Variants in PCDHGB1 observed in about 807,000 individuals in gnomAD.
PCDHGB1 encodes protocadherin gamma subfamily B, 1.
Under a neutral mutation model 56.6 loss-of-function variants are expected in PCDHGB1, and 34 were observed. The observed-to-expected ratio is 0.60, with a 90% CI of 0.46 to 0.80. PCDHGB1 has a LOEUF of 0.80. Among genes scored for constraint, PCDHGB1 ranks in the 30% least tolerant of loss-of-function variants. The pLI is 0.00. For synonymous variants in PCDHGB1, 561 were observed against 505.9 expected, an observed-to-expected ratio of 1.11 and a Z score of -1.46; for missense variants, 1,278 against 1,204.6, an observed-to-expected ratio of 1.06 and a Z score of -0.90.
chr5:141,362,934 A>G (rs373644254), intron 1 of PCDHGB1, among the ~76,000 whole-genome samples: 1 of 152,196 alleles, frequency 6.6e-6, no homozygotes, highest in Non-Finnish European at 1.5e-5. Context: ...GAGAGTCTTC[A>G]TTTTAGTAGG....
chr5:141,477,775 G>T lies in PCDHGB1; in HGVS notation c.2410-17032G>T. 2 of 1,614,046 alleles carry T rather than the reference G, an allele frequency of 1.2e-6. No individual in the cohort carries two copies. The highest frequency in any genetic ancestry group is 2.7e-5 in the African/African-American group (2 of 75,052). On this transcript the variant is annotated intron_variant, in intron 1 of 3. Transcript: ENST00000523390. The surrounding 1 kb of genome is among the most constrained non-coding windows in gnomAD (Gnocchi z 4.9). ...CGGTCCTAGCCACCAACATCAGCGT[G>T]AACATATTTGTCACTGATCGCAATG...
chr5:141,409,483 G>A, intron 1 of PCDHGB1: 1 of 1,613,944 alleles, frequency 6.2e-7, no homozygotes, highest in Non-Finnish European at 8.5e-7. Context: ...CCACTGACAG[G>A]GGCAAGCCGC....
chr5:141,365,990 G>A, intron 1 of PCDHGB1: 1 of 1,614,216 alleles, frequency 6.2e-7, no homozygotes, highest in Non-Finnish European at 8.5e-7. Flanking sequence ...GTTTGTGCTG[G>A]ACCAGAACGA....
At chr5:141,457,094 C>T (rs2098908295) in intron 1 of PCDHGB1, among the ~76,000 whole-genome samples, 1 of 152,154 alleles carries the variant, frequency 6.6e-6, no homozygotes, top group Non-Finnish European at 1.5e-5. Context: ...TATAAGGATA[C>T]TAATTAAGCA....
chr5:141,479,733 A>G (rs2099504879), intron 1 of PCDHGB1: 1 of 152,254 alleles, frequency 6.6e-6, no homozygotes, highest in Admixed American at 6.5e-5. Context: ...TTTCTTAAGT[A>G]TATGCACAAT....
chr5:141,427,711 A>T, intron 1 of PCDHGB1: 1 of 1,036,498 alleles, frequency 9.6e-7, no homozygotes, highest in Non-Finnish European at 1.5e-6. Context: ...AGCGCCTCTG[A>T]CCTGGACCTA....
At chr5:141,509,153 C>G (rs2099875485) in intron 3 of PCDHGB1, among the ~76,000 whole-genome samples, 2 of 152,190 alleles carry the variant, frequency 1.3e-5, no homozygotes, top group Non-Finnish European at 2.9e-5. Context: ...CGGCTCTCCC[C>G]TCCCGTGTGC....
At chr5:141,417,503 TAA>T in intron 1 of PCDHGB1, 1 of 229,962 alleles carries the variant, frequency 4.3e-6, no homozygotes, top group East Asian at 9.7e-5. Flanking sequence ...GGAAAAAGAT[TAA>T]AATATTTTGG....
chr5:141,423,438 C>T lies in PCDHGB1; in HGVS notation c.2409+70769C>T, dbSNP rs2096741369. 5 of 1,613,942 alleles carry T rather than the reference C, an allele frequency of 3.1e-6. No homozygotes were observed. In the East Asian group the frequency reaches 8.9e-5, roughly 29 times the overall value. On this transcript the variant is annotated intron_variant, in intron 1 of 3. Transcript: ENST00000523390. Reference sequence around the variant, plus strand: ...CTGAAGGCGGGTTGGCAGGTATGCCCACGTCACATTTTGTAGGCGTGGACG... The same window carrying T: ...CTGAAGGCGGGTTGGCAGGTATGCCTACGTCACATTTTGTAGGCGTGGACG...
At chr5:141,454,283 T>G (rs2098785864) in intron 1 of PCDHGB1, among the ~76,000 whole-genome samples, 1 of 152,134 alleles carries the variant, frequency 6.6e-6, no homozygotes, top group Non-Finnish European at 1.5e-5. Flanking sequence ...AACTTCACAT[T>G]AAAGGAACTC....
At chr5:141,366,588 A>G (rs1222422488) in intron 1 of PCDHGB1, 1 of 1,614,114 alleles carries the variant, frequency 6.2e-7, no homozygotes, top group African/African-American at 1.3e-5. Context: ...CTGCAGACCT[A>G]TTCCCACGAG....
chr5:141,486,552 A>C lies in PCDHGB1; in HGVS notation c.2410-8255A>C. The C allele has an allele frequency of 6.2e-7, 1 of 1,614,136 alleles. No individual in the cohort carries two copies. The highest frequency in any genetic ancestry group is 1.1e-5 in the South Asian group (1 of 91,082). On this transcript the variant is annotated intron_variant, in intron 1 of 3. Coordinates refer to ENST00000523390, the MANE Select transcript of PCDHGB1 (RefSeq NM_018922.3). This position sits in a 1 kb window ranked among gnomAD's most constrained non-coding sequence, Gnocchi z 5.0. The stretch of plus-strand genomic sequence containing the variant: ...CCACCCTCTTTCTTTCAGAGGTCAC[A>C]TGAGGTGTTTGTTCCTGAGAACAAT...
At chr5:141,413,796 G>A in intron 1 of PCDHGB1, 2 of 1,613,190 alleles carry the variant, frequency 1.2e-6, no homozygotes, top group Non-Finnish European at 1.7e-6. Flanking sequence ...TAGATCGCGA[G>A]GAAGAGGCCA....
intron 1 of PCDHGB1, among the ~76,000 whole-genome samples, chr5:141,369,150 T>C (rs1766058154): frequency 6.6e-6 from 1 of 152,222 alleles, no homozygotes; most frequent in Non-Finnish European, 1.5e-5. Flanking sequence ...TGGCATGTTA[T>C]TGACCAGGGA....
intron 1 of PCDHGB1, chr5:141,383,678 G>C: frequency 1.2e-6 from 2 of 1,614,036 alleles, no homozygotes; most frequent in East Asian, 4.5e-5. Flanking sequence ...GTGGGTACAA[G>C]ACTGCTCACG....
intron 1 of PCDHGB1, among the ~76,000 whole-genome samples, chr5:141,358,807 T>C (rs1761028443): frequency 6.6e-6 from 1 of 152,244 alleles, no homozygotes; most frequent in African/African-American, 2.4e-5. Flanking sequence ...CTGATATGAT[T>C]TACGCTGCTT....
At chr5:141,474,426 C>T (rs2099349464) in intron 1 of PCDHGB1, among the ~76,000 whole-genome samples, 1 of 152,198 alleles carries the variant, frequency 6.6e-6, no homozygotes, top group Non-Finnish European at 1.5e-5. Context: ...ACCATTGGTC[C>T]TCACACTTTG....
chr5:141,376,633 G>T, intron 1 of PCDHGB1: 15 of 913,104 alleles, frequency 1.6e-5, no homozygotes, highest in East Asian at 3.6e-5. Flanking sequence ...GAAGATTCGT[G>T]ATTTTGTAAA....
intron 1 of PCDHGB1, chr5:141,360,786 C>CGG: frequency 6.2e-7 from 1 of 1,612,498 alleles, no homozygotes. Flanking sequence ...CTGTGGATGG[C>CGG]GGAGACCCAC....
Sources: gnomAD v4.1 joint callset for allele counts (sites outside exome capture counted in the v4.1 genomes callset) on GRCh38, gnomAD v4.1.1 for gene constraint, Gnocchi (gnomAD v3.1) non-coding constraint, MANE v1.5 for transcripts, NCBI Gene and HGNC (gene_info 2026-07-23, HGNC 2026-07-21) for gene names.